Variants in TMCO1 observed in about 807,000 individuals in gnomAD.
TMCO1 encodes the protein transmembrane and coiled-coil domains 1, also known as calcium load-activated calcium channel.
A neutral mutation model predicts 29.3 loss-of-function variants in TMCO1; 29 were observed. That is an observed-to-expected ratio of 0.99 (90% CI 0.74 to 1.35). TMCO1 has a LOEUF of 1.35. Among genes scored for constraint, TMCO1 ranks in the 40% most tolerant of loss-of-function variants. The pLI is 0.00. For synonymous variants in TMCO1, 80 were observed against 77.1 expected (o/e 1.04, Z -0.20); for missense variants, 173 against 225.5 (o/e 0.77, Z 1.49).
chr1:165,767,750 G>A (rs1652627239), intron 2 of TMCO1, among the ~76,000 whole-genome samples: 1 of 152,012 alleles, frequency 6.6e-6, no homozygotes, highest in African/African-American at 2.4e-5. Context: ...CACCATCGTG[G>A]CCCACTGTAG....
intron 1 of TMCO1, chr1:165,768,471 G>T (rs189954783): frequency 1.3e-6 from 2 of 1,540,988 alleles, no homozygotes; most frequent in Non-Finnish European, 1.7e-6. Context: ...AAATACCCAA[G>T]TGAAATCTAC....
In TMCO1 at chr1:165,732,505, CTATA is replaced by C. The variant is rs66588679; in HGVS notation, c.469-4388_469-4385del. On this transcript the variant is annotated intron_variant, in intron 6 of 6. Coordinates refer to ENST00000367881, the MANE Select transcript of TMCO1 (RefSeq NM_019026.6). ...TCTCTCTCTCTCTCTCTCTCTCTCT[CTATA>C]TATATATATATAAACATACACATAT... Among the ~76,000 whole-genome samples the C allele has an allele frequency of 6.2e-3, 824 of 133,802 alleles. 10 individuals are homozygous for C. The highest frequency in any genetic ancestry group is 0.019 in the African/African-American group (651 of 35,058). The allele number at this position is 133,802 out of a possible 152,430, so 87.8% of individuals were successfully genotyped here. A position where few individuals can be genotyped will look rare whatever the true frequency, so the allele number is the denominator to read the frequency against.
At chr1:165,747,959 G>A (rs756468199) in intron 5 of TMCO1, among the ~76,000 whole-genome samples, 1 of 152,162 alleles carries the variant, frequency 6.6e-6, no homozygotes, top group Non-Finnish European at 1.5e-5. Context: ...AGGAATTCAA[G>A]ACCAGCCTTG....
intron 5 of TMCO1, among the ~76,000 whole-genome samples, chr1:165,747,707 C>T (rs2101802699): frequency 6.6e-6 from 1 of 152,310 alleles, no homozygotes; most frequent in South Asian, 2.1e-4. Flanking sequence ...GTCAGGGTTG[C>T]ATGGTGATAA....
At chr1:165,768,914 A>G, upstream of TMCO1, 1 of 1,542,862 alleles carries the variant, frequency 6.5e-7, no homozygotes, top group Non-Finnish European at 8.7e-7. Context: ...TAGCACCGGA[A>G]AGGCTCGTAT....
chr1:165,751,059 ACT>A (rs1420590122), intron 5 of TMCO1, among the ~76,000 whole-genome samples: 8 of 152,182 alleles, frequency 5.3e-5, no homozygotes, highest in South Asian at 2.1e-4. Flanking sequence ...ACAGAGAGAG[ACT>A]CTGTCCCGAA....
intron 6 of TMCO1, among the ~76,000 whole-genome samples, chr1:165,740,898 C>G (rs560073734): frequency 3.2e-4 from 49 of 152,306 alleles, no homozygotes; most frequent in African/African-American, 1.2e-3. Flanking sequence ...TCTTGGCCTT[C>G]CTGCAGAACT....
At chr1:165,757,297 A>T (rs1329447853) in intron 3 of TMCO1, among the ~76,000 whole-genome samples, 1 of 152,216 alleles carries the variant, frequency 6.6e-6, no homozygotes, top group African/African-American at 2.4e-5. Context: ...AACAATGCAA[A>T]TGCCAAGGCG....
intron 5 of TMCO1, among the ~76,000 whole-genome samples, chr1:165,744,515 G>C (rs1244585052): frequency 6.6e-6 from 1 of 152,080 alleles, no homozygotes; most frequent in East Asian, 1.9e-4. Flanking sequence ...TTTCAGGCTG[G>C]GCACGGTGGC....
intron 5 of TMCO1, among the ~76,000 whole-genome samples, chr1:165,745,820 A>T (rs780530869): frequency 3.9e-5 from 6 of 152,188 alleles, no homozygotes; most frequent in Non-Finnish European, 8.8e-5. Flanking sequence ...TATTTTTTTT[A>T]AATGTACAGG....
At chr1:165,760,852 T>A (rs917528465) in intron 2 of TMCO1, among the ~76,000 whole-genome samples, 1 of 152,156 alleles carries the variant, frequency 6.6e-6, no homozygotes, top group South Asian at 2.1e-4. Context: ...TTATATTATA[T>A]TTACCATCTT....
chr1:165,732,499 C>T (rs1442673609), intron 6 of TMCO1, among the ~76,000 whole-genome samples: 1 of 141,236 alleles, frequency 7.1e-6, no homozygotes, highest in Non-Finnish European at 1.5e-5. Flanking sequence ...CTCTCTCTCT[C>T]TCTCTCTATA....
Position 165,738,348 on chromosome 1 carries a change from A to G in TMCO1, c.468+4819T>C, listed in dbSNP as rs182826639. ...AAAAACCAGGCCTATTTCTTTGCCA[A>G]TGGCATTCATGGGAAAATCACGGTA... On this transcript the variant is annotated intron_variant, in intron 6 of 6. Transcript: ENST00000367881. Among the ~76,000 whole-genome samples the G allele has an allele frequency of 9.1e-4, 138 of 152,330 alleles. 1 individual carries two copies. The highest frequency in any genetic ancestry group is 3.1e-3 in the African/African-American group (128 of 41,576).
intron 5 of TMCO1, among the ~76,000 whole-genome samples, chr1:165,744,916 T>C (rs1381469716): frequency 6.6e-6 from 1 of 152,172 alleles, no homozygotes; most frequent in Non-Finnish European, 1.5e-5. Flanking sequence ...TCTAGTCCTT[T>C]TTCTGGCAGT....
At chr1:165,740,233 G>A (rs1351532577) in intron 6 of TMCO1, among the ~76,000 whole-genome samples, 1 of 151,828 alleles carries the variant, frequency 6.6e-6, no homozygotes, top group African/African-American at 2.4e-5. Flanking sequence ...ACAGAGTCTT[G>A]CTCTGTTGCC....
intron 6 of TMCO1, among the ~76,000 whole-genome samples, chr1:165,740,363 G>C (rs1651548661): frequency 6.6e-6 from 1 of 151,700 alleles, no homozygotes; most frequent in African/African-American, 2.4e-5. Flanking sequence ...ACCACGCCCA[G>C]CTAATTTTCT....
At position 165,728,646 on chromosome 1, in the gene TMCO1, T is replaced by C. The variant is rs75569851; in HGVS notation, c.469-525A>G. 3.5e-4 allele frequency among the ~76,000 whole-genome samples: 54 copies of C among 152,316 alleles called. 1 individual carries two copies. The East Asian group carries it at 0.01, about 29-fold the overall frequency. ...CTTACCTGATGAGACCTTGGTCTACTAATGAAAGTGGTTGATTTTTTTCGA... is the reference window on the plus strand; with the variant it reads ...CTTACCTGATGAGACCTTGGTCTACCAATGAAAGTGGTTGATTTTTTTCGA... On this transcript the variant is annotated intron_variant, in intron 6 of 6. Coordinates refer to ENST00000367881, the MANE Select transcript of TMCO1 (RefSeq NM_019026.6).
chr1:165,752,060 G>A (rs1288139876), intron 5 of TMCO1, 42 bp downstream of exon 5: 1 of 1,427,842 alleles, frequency 7.0e-7, no homozygotes, highest in East Asian at 2.3e-5. Context: ...TACAAATATA[G>A]AGTAATAGTT....
At chr1:165,760,806 T>TA (rs960441522) in intron 2 of TMCO1, among the ~76,000 whole-genome samples, 27 of 151,282 alleles carry the variant, frequency 1.8e-4, no homozygotes, top group Non-Finnish European at 3.2e-4. Context: ...TCTCAAAAAA[T>TA]AAAAAAAAGA....
Sources: allele counts gnomAD v4.1 joint callset (sites outside exome capture counted in the v4.1 genomes callset), GRCh38; gene constraint gnomAD v4.1.1; transcripts MANE v1.5; gene names NCBI Gene and HGNC (gene_info 2026-07-23, HGNC 2026-07-21).